SH3TC1: variants seen among roughly 807,000 people sequenced by gnomAD.
SH3TC1 encodes SH3 domain and tetratricopeptide repeats 1, also known as SH3 domain and tetratricopeptide repeat-containing protein 1.
Under a neutral mutation model 117.3 loss-of-function variants are expected in SH3TC1, and 135 were observed. The observed-to-expected ratio is 1.15, with a 90% CI of 1.00 to 1.33. The LOEUF is 1.33. Among genes scored for constraint, SH3TC1 ranks in the 40% most tolerant of loss-of-function variants. The pLI, the probability that SH3TC1 is intolerant of heterozygous loss-of-function variation, is 0.00. For synonymous variants in SH3TC1, 898 were observed against 816.9 expected, an observed-to-expected ratio of 1.10 and a Z score of -1.69; for missense variants, 2,092 against 1,794.3, an observed-to-expected ratio of 1.17 and a Z score of -3.00.
chr4:8,185,133 C>G (rs1330989717), intron 1 of SH3TC1, among the ~76,000 whole-genome samples: 1 of 151,170 alleles, frequency 6.6e-6, no homozygotes, highest in Non-Finnish European at 1.5e-5. Flanking sequence ...GTCAGGAGTT[C>G]GACACCAGTC....
At position 8,210,803 on chromosome 4, in the gene SH3TC1, A is replaced by G. The variant is rs534256840; in HGVS notation, c.247+981A>G. On this transcript the variant is annotated intron_variant, in intron 3 of 17. Coordinates refer to ENST00000245105, the MANE Select transcript of SH3TC1 (RefSeq NM_018986.5). This position sits in a 1 kb window ranked among gnomAD's most constrained non-coding sequence, Gnocchi z 4.1. ...CGTCACAGCTCAGGAACCATTGTGGAATGATGGGCTGGTGCCTCCTGTTGG... is the reference window on the plus strand; with the variant it reads ...CGTCACAGCTCAGGAACCATTGTGGGATGATGGGCTGGTGCCTCCTGTTGG... 5.4e-5 allele frequency among the ~76,000 whole-genome samples: 8 copies of G among 148,762 alleles called. No homozygotes were observed. Among genetic ancestry groups the G allele is most frequent in the South Asian group, 4.2e-4 (2 of 4,732 alleles).
chr4:8,227,851 C>G lies in SH3TC1; in HGVS notation c.2157C>G (p.Arg719=), dbSNP rs1403381306. The change falls in exon 12 of 18, where the codon CGC becomes CGG. Residue 719 remains arginine (R), a synonymous_variant. Coordinates refer to ENST00000245105, the MANE Select transcript of SH3TC1 (RefSeq NM_018986.5). ...TACTCCTGGCTGACATCTACAGCCG[C>G]AAGTGCCTGCCCCACCTGGTGCTGA... ...CYLLLADIYS[R]KCLPHLVLSC... The G allele has an allele frequency of 6.2e-7, 1 of 1,612,836 alleles. No homozygotes were observed. Among genetic ancestry groups the G allele is most frequent in the Admixed American group, 1.7e-5 (1 of 60,034 alleles).
rs188511781 is a variant in SH3TC1, at chr4:8,228,696, C to T, written c.2950+52C>T. On this transcript the variant is annotated intron_variant, in intron 12 of 17. Coordinates refer to ENST00000245105, the MANE Select transcript of SH3TC1 (RefSeq NM_018986.5). ...CCTTCCGGGGCCACTCGGGTCAGGG[C>T]ACACCTGGGGTTTGTGATTCAGACA... 994 of 1,341,026 alleles carry T rather than the reference C, an allele frequency of 7.4e-4. 1 individual carries two copies. The highest frequency in any genetic ancestry group is 7.3e-4 in the Non-Finnish European group (741 of 1,012,894). The allele number at this position is 1,341,026 out of a possible 1,614,324, so 83.1% of individuals were successfully genotyped here. A position where few individuals can be genotyped will look rare whatever the true frequency, so the allele number is the denominator to read the frequency against.
intron 17 of SH3TC1, among the ~76,000 whole-genome samples, chr4:8,239,435 C>CAT (rs1156705416): frequency 2.0e-5 from 3 of 150,148 alleles, no homozygotes; most frequent in Non-Finnish European, 4.4e-5. Context: ...CACATGCACA[C>CAT]ACACGGACAC....
At chr4:8,195,607 G>A (rs1004107648), upstream of SH3TC1, among the ~76,000 whole-genome samples, 4 of 152,212 alleles carry the variant, frequency 2.6e-5, no homozygotes, top group Non-Finnish European at 5.9e-5. Context: ...GGGGACAATG[G>A]CCAGGAGAGG....
intron 17 of SH3TC1, 65 bp downstream of exon 17, chr4:8,237,735 C>T: frequency 6.7e-7 from 1 of 1,485,976 alleles, no homozygotes; most frequent in Non-Finnish European, 9.1e-7. Context: ...TCCACCCAGA[C>T]CCCTGAGGCA....
At position 8,182,211 on chromosome 4, in the gene SH3TC1, G is replaced by C. The variant is rs535698418; in HGVS notation, c.-57+1G>C. On this transcript the variant is annotated splice_donor_variant, in intron 1 of 16. Transcript: ENST00000508641. LOFTEE classifies it low-confidence loss of function (5UTR_SPLICE). ...CTCCCCTCTTCCCTTCCCTGGCAGG[G>C]TAAGTTCCAGAGCATTTTGCTGGGT... The C allele has an allele frequency of 6.6e-6, 1 of 152,552 alleles. No homozygotes were observed. The highest frequency in any genetic ancestry group is 2.1e-4 in the South Asian group (1 of 4,832). 9.4% of individuals were successfully genotyped at this position (152,552 alleles called of 1,614,324 possible). A position where few individuals can be genotyped will look rare whatever the true frequency, so the allele number is the denominator to read the frequency against.
chr4:8,195,717 G>T (rs1487733404), upstream of SH3TC1, among the ~76,000 whole-genome samples: 3 of 152,188 alleles, frequency 2.0e-5, no homozygotes, highest in Non-Finnish European at 4.4e-5. Context: ...AGCATCTCTG[G>T]CCAGGAGATG....
At chr4:8,189,793 A>T (rs1717357507) in intron 1 of SH3TC1, among the ~76,000 whole-genome samples, 1 of 152,144 alleles carries the variant, frequency 6.6e-6, no homozygotes. Context: ...ACCTCAGTGA[A>T]AGCAGATGGC....
chr4:8,223,506 T>A (rs749899430), intron 10 of SH3TC1, among the ~76,000 whole-genome samples: 1 of 152,198 alleles, frequency 6.6e-6, no homozygotes, highest in Non-Finnish European at 1.5e-5. Context: ...TGCAAAAGCT[T>A]TCTCTGGGGG....
rs1182841956 is a variant in SH3TC1 at position 8,206,299 on chromosome 4, C to T, written c.172+933C>T. On this transcript the variant is annotated intron_variant, in intron 2 of 17. Coordinates refer to ENST00000245105, the MANE Select transcript of SH3TC1 (RefSeq NM_018986.5). The surrounding 1 kb of genome is among the most constrained non-coding windows in gnomAD (Gnocchi z 5.5). ...CACTGGCATGCCTGGGCAGGAAGGG[C>T]GGCTCAGAGGTTTGGGGTGGGGCCT... 6.6e-6 allele frequency among the ~76,000 whole-genome samples: 1 copy of T among 151,868 alleles called. No individual in the cohort carries two copies.
At chr4:8,187,123 C>A (rs1157483714) in intron 1 of SH3TC1, among the ~76,000 whole-genome samples, 5 of 152,330 alleles carry the variant, frequency 3.3e-5, no homozygotes, top group Middle Eastern at 6.8e-3. Context: ...AATATCCTCA[C>A]TCGTACCCTC....
Position 8,209,684 on chromosome 4 carries a change from C to A in SH3TC1, c.173-64C>A. 6.2e-7 allele frequency: 1 copy of A among 1,603,330 alleles called. No individual in the cohort carries two copies. On this transcript the variant is annotated intron_variant, in intron 2 of 17. Coordinates refer to ENST00000245105, the MANE Select transcript of SH3TC1 (RefSeq NM_018986.5). The surrounding 1 kb of genome is among the most constrained non-coding windows in gnomAD (Gnocchi z 5.9). ...TTGCAGAGAGACCTGGAGCGTTTGG[C>A]GCCTTCAGAGGAGCCAGGCCTTTGC...
rs1466748831 is a variant in SH3TC1, at chr4:8,232,223, C to T, written c.3131+67C>T. The T allele has an allele frequency of 8.3e-5, 110 of 1,320,024 alleles. 1 individual carries two copies. In the East Asian group the frequency reaches 3.2e-3, roughly 39 times the overall value. The allele number at this position is 1,320,024 out of a possible 1,614,324, so 81.8% of individuals were successfully genotyped here. A position where few individuals can be genotyped will look rare whatever the true frequency, so the allele number is the denominator to read the frequency against. ...CAAAGGGGGCGGCGGGGCGGGGGCA[C>T]AGGGAAGCTGGCCCAGGGCCCCAGC... On this transcript the variant is annotated intron_variant, in intron 13 of 17. Transcript: ENST00000245105.
In SH3TC1 at chr4:8,216,982, C is replaced by G. The variant is rs769418892; in HGVS notation, c.654C>G (p.Asp218Glu). The G allele has an allele frequency of 1.2e-6, 2 of 1,614,042 alleles. No individual in the cohort carries two copies. The highest frequency in any genetic ancestry group is 3.3e-5 in the Admixed American group (2 of 60,008). The change falls in exon 7 of 18, where the codon GAC becomes GAG. Residue 218 changes from aspartate to glutamate, a missense_variant. Physicochemically the swap from Asp to Glu is conservative, Grantham distance 45. Coordinates refer to ENST00000245105, the MANE Select transcript of SH3TC1 (RefSeq NM_018986.5). ...GGCCCTTCTTTGTCCTGTGTCCTGACCACCATGTGAGAGTGATGACGGGTC... is the reference window on the plus strand; with the variant it reads ...GGCCCTTCTTTGTCCTGTGTCCTGAGCACCATGTGAGAGTGATGACGGGTC... ...QEGPFFVLCP[D>E]HHVRVMTGPR...
intron 1 of SH3TC1, among the ~76,000 whole-genome samples, chr4:8,200,667 C>T (rs916745942): frequency 4.6e-5 from 7 of 152,230 alleles, no homozygotes; most frequent in African/African-American, 1.7e-4. Flanking sequence ...GTTTCCCCTG[C>T]TGCCAGAGCG....
In SH3TC1 at chr4:8,232,141, C is replaced by G. The variant is rs765811549; in HGVS notation, c.3116C>G (p.Ser1039Cys). Residue 1039 changes from serine (S) to cysteine (C), a missense_variant, in exon 13 of 18, where the codon TCC becomes TGC. Physicochemically the swap from Ser to Cys is moderately radical, Grantham distance 112 (BLOSUM62 -1). Transcript: ENST00000245105. ...GAGACCATCAGCCAGCTCTACCTGT[C>G]CCTGGGCACCGAGCGGTGAGGGCTG... ...LLETISQLYL[S>C]LGTERAYKSA... 1.1e-5 allele frequency: 17 copies of G among 1,593,014 alleles called. No individual in the cohort carries two copies. The African/African-American group carries it at 2.4e-4, about 22-fold the overall frequency.
chr4:8,236,555 G>C, intron 16 of SH3TC1, 127 bp downstream of exon 16: 2 of 1,286,526 alleles, frequency 1.6e-6, no homozygotes, highest in Non-Finnish European at 2.1e-6. Context: ...AGGCACATCT[G>C]CCCAGCTGGC....
chr4:8,226,868 G>T, intron 11 of SH3TC1, 112 bp from the exon 12 acceptor site: 1 of 715,630 alleles, frequency 1.4e-6, no homozygotes, highest in Non-Finnish European at 2.1e-6. Flanking sequence ...GGTATCGTCT[G>T]GAAAGTGCTG....
Sources: allele counts gnomAD v4.1 joint callset (sites outside exome capture counted in the v4.1 genomes callset), GRCh38; gene constraint gnomAD v4.1.1; non-coding constraint Gnocchi (gnomAD v3.1); transcripts MANE v1.5; gene names NCBI Gene and HGNC (gene_info 2026-07-23, HGNC 2026-07-21).